SLC2A13: variants seen among roughly 807,000 people sequenced by gnomAD.
The protein encoded by SLC2A13 is proton myo-inositol cotransporter.
SLC2A13 carries 32 observed loss-of-function variants against 64.4 expected under a neutral mutation model. That is an observed-to-expected ratio of 0.50 (90% CI 0.37 to 0.67). The LOEUF (loss-of-function observed/expected upper bound fraction) is 0.67. SLC2A13 is among the 30% of genes least tolerant of loss of function. The probability of loss-of-function intolerance (pLI) is 0.00; values close to 1 mark genes in which losing one functional copy is unlikely to be tolerated. For synonymous variants in SLC2A13, 338 were observed against 327.1 expected, an observed-to-expected ratio of 1.03 and a Z score of -0.36; for missense variants, 743 against 829.2, an observed-to-expected ratio of 0.90 and a Z score of 1.28.
At chr12:40,074,668 CTGA>C (rs1230213766) in intron 1 of SLC2A13, among the ~76,000 whole-genome samples, 2 of 152,150 alleles carry the variant, frequency 1.3e-5, no homozygotes, top group African/African-American at 2.4e-5. Flanking sequence ...GAGTTTGATT[CTGA>C]TGTTTGCTCT....
At chr12:40,023,093 T>A (rs1416939737) in intron 3 of SLC2A13, among the ~76,000 whole-genome samples, 2 of 152,256 alleles carry the variant, frequency 1.3e-5, no homozygotes, top group Non-Finnish European at 2.9e-5. Context: ...TCATTCTCCC[T>A]AAACATACTG....
intron 6 of SLC2A13, among the ~76,000 whole-genome samples, chr12:39,864,160 G>A (rs936583402): frequency 2.0e-5 from 3 of 152,070 alleles, no homozygotes; most frequent in East Asian, 1.9e-4. Flanking sequence ...TCTACTTTTC[G>A]ATCTATTTAT....
chr12:40,079,449 T>C (rs1028375329), intron 1 of SLC2A13, among the ~76,000 whole-genome samples: 72 of 152,232 alleles, frequency 4.7e-4, no homozygotes, highest in Admixed American at 4.6e-3. Flanking sequence ...TTTCTATTTT[T>C]ATTGCACTGA....
At chr12:39,982,555 C>T (rs1327110851) in intron 3 of SLC2A13, among the ~76,000 whole-genome samples, 1 of 150,718 alleles carries the variant, frequency 6.6e-6, no homozygotes, top group Non-Finnish European at 1.5e-5. Context: ...AGAGCCAAAT[C>T]ATGAGTGAAC....
At chr12:40,060,096 C>CATGGATGGATGG (rs567067359) in intron 1 of SLC2A13, among the ~76,000 whole-genome samples, 10 of 151,212 alleles carry the variant, frequency 6.6e-5, no homozygotes, top group African/African-American at 2.2e-4. Context: ...TGGATGGATG[C>CATGGATGGATGG]ATGGATGGAT....
intron 7 of SLC2A13, among the ~76,000 whole-genome samples, chr12:39,815,666 T>C (rs1288310106): frequency 6.6e-6 from 1 of 152,170 alleles, no homozygotes; most frequent in Non-Finnish European, 1.5e-5. Flanking sequence ...GAAAAAGCAC[T>C]GGAAAGCAGT....
chr12:39,842,857 TA>T (rs1943212242), intron 6 of SLC2A13, among the ~76,000 whole-genome samples: 6 of 152,036 alleles, frequency 3.9e-5, no homozygotes, highest in Admixed American at 3.9e-4. Flanking sequence ...TATATCAATG[TA>T]ATTATACAAT....
rs543439738 is a variant in SLC2A13, at chr12:39,818,030, T to C, written c.1445+12073A>G. On this transcript the variant is annotated intron_variant, in intron 7 of 9. Coordinates refer to ENST00000280871, the MANE Select transcript of SLC2A13 (RefSeq NM_052885.4). ...GTAGTATCTCTTTATGGTAACACTT[T>C]CCAGCTCTTTAACTTCTACAGATGT... Among the ~76,000 whole-genome samples the C allele has an allele frequency of 1.3e-3, 199 of 152,332 alleles. 2 individuals carry two copies. The highest frequency in any genetic ancestry group is 4.4e-3 in the African/African-American group (184 of 41,574).
rs58902176 is a variant in SLC2A13 at position 39,925,030 on chromosome 12, A to ATTTT, written c.1034+26223_1034+26226dup. On this transcript the variant is annotated intron_variant, in intron 4 of 9. Coordinates refer to ENST00000280871, the MANE Select transcript of SLC2A13 (RefSeq NM_052885.4). The stretch of plus-strand genomic sequence containing the variant: ...GTTAAGTGTCCTATACATACAGATA[A>ATTTT]TTTTTTTTTTTTTTTTTTTTTTTGA... Among the ~76,000 whole-genome samples the ATTTT allele has an allele frequency of 1.9e-3, 232 of 119,046 alleles. 1 individual carries two copies. The highest frequency in any genetic ancestry group is 3.2e-3 in the Non-Finnish European group (188 of 59,070). 78.1% of individuals were successfully genotyped at this position (119,046 alleles called of 152,430 possible).
rs562355090 is a variant in SLC2A13 at position 39,784,500 on chromosome 12, G to T, written c.1446-19642C>A. On this transcript the variant is annotated intron_variant, in intron 7 of 9. Transcript: ENST00000280871. ...AAGGATTCCCTACTTAACAAATGGT[G>T]CTGGGAAAACTCGCTAGCCATATGT... Among the ~76,000 whole-genome samples the T allele has an allele frequency of 2.1e-3, 324 of 152,308 alleles. 17 individuals are homozygous for T. In the South Asian group the frequency reaches 0.063, roughly 30 times the overall value.
intron 3 of SLC2A13, among the ~76,000 whole-genome samples, chr12:40,007,418 C>CA (rs1419321364): frequency 6.6e-6 from 1 of 150,906 alleles, no homozygotes. Flanking sequence ...TTTTGCTATC[C>CA]AAAAAAAAGC....
At chr12:39,935,557 T>C (rs540617383) in intron 4 of SLC2A13, among the ~76,000 whole-genome samples, 6 of 152,306 alleles carry the variant, frequency 3.9e-5, no homozygotes, top group Admixed American at 3.9e-4. Flanking sequence ...TGGGGAATAT[T>C]GCAAGGGGGC....
Position 40,041,295 on chromosome 12 carries a change from G to A in SLC2A13, c.716+6756C>T, listed in dbSNP as rs148537184. On this transcript the variant is annotated intron_variant, in intron 2 of 9. Coordinates refer to ENST00000280871, the MANE Select transcript of SLC2A13 (RefSeq NM_052885.4). ...CCACTTCACCCCCAAACTCCCAGAT[G>A]ATCATCATAGCCCTCCTCCTAGCTG... 2.1e-3 allele frequency among the ~76,000 whole-genome samples: 325 copies of A among 152,174 alleles called. 3 individuals are homozygous for A. The highest frequency in any genetic ancestry group is 7.3e-3 in the African/African-American group (303 of 41,502).
intron 7 of SLC2A13, among the ~76,000 whole-genome samples, chr12:39,804,606 AATTT>A (rs1174911119): frequency 6.6e-6 from 1 of 152,168 alleles, no homozygotes; most frequent in South Asian, 2.1e-4. Context: ...CAGATTGGTT[AATTT>A]ATTTATTCAA....
intron 4 of SLC2A13, among the ~76,000 whole-genome samples, chr12:39,901,737 G>A (rs1327002628): frequency 7.3e-6 from 1 of 137,430 alleles, no homozygotes; most frequent in Non-Finnish European, 1.6e-5. Context: ...CTTTGACACT[G>A]TTGGTGGGAC....
Position 40,105,901 on chromosome 12 carries a change from C to T in SLC2A13, c.-93G>A. ...AGCCCGAGCCGGCGGGAGCAACCGC[C>T]GCTGCCGCCGCTTTCTTCCTCCCGG... is the stretch of plus-strand genomic sequence containing the variant. On this transcript the variant is annotated 5_prime_UTR_variant, in exon 1 of 10. Transcript: ENST00000280871. This position sits in a 1 kb window ranked among gnomAD's most constrained non-coding sequence, Gnocchi z 4.2. 2 of 1,250,678 alleles carry T rather than the reference C, an allele frequency of 1.6e-6. No homozygotes were observed. Among genetic ancestry groups the T allele is most frequent in the Non-Finnish European group, 2.0e-6 (2 of 989,668 alleles). 77.5% of individuals were successfully genotyped at this position (1,250,678 alleles called of 1,614,324 possible). A position where few individuals can be genotyped will look rare whatever the true frequency, so the allele number is the denominator to read the frequency against.
chr12:39,885,600 AC>A (rs2135967336), intron 4 of SLC2A13, among the ~76,000 whole-genome samples: 1 of 152,292 alleles, frequency 6.6e-6, no homozygotes, highest in African/African-American at 2.4e-5. Flanking sequence ...ATATTATATT[AC>A]CACCGAAGCA....
intron 1 of SLC2A13, among the ~76,000 whole-genome samples, chr12:40,101,056 T>A (rs1939133642): frequency 6.6e-6 from 1 of 151,290 alleles, no homozygotes; most frequent in Admixed American, 6.6e-5. Flanking sequence ...GAAATTCGAC[T>A]TTTCACGTTT....
intron 3 of SLC2A13, among the ~76,000 whole-genome samples, chr12:40,007,954 G>A (rs751722216): frequency 7.9e-5 from 12 of 152,046 alleles, no homozygotes; most frequent in Non-Finnish European, 1.6e-4. Flanking sequence ...TGGGTTTTAC[G>A]GGAAAACCCA....
Sources: gnomAD v4.1 joint callset for allele counts (sites outside exome capture counted in the v4.1 genomes callset) on GRCh38, gnomAD v4.1.1 for gene constraint, Gnocchi (gnomAD v3.1) non-coding constraint, MANE v1.5 for transcripts, NCBI Gene and HGNC (gene_info 2026-07-23, HGNC 2026-07-21) for gene names.